SH3RF1: variants seen among roughly 807,000 people sequenced by gnomAD.
SH3RF1 encodes E3 ubiquitin-protein ligase SH3RF1.
Under a neutral mutation model 74.0 loss-of-function variants are expected in SH3RF1, and 32 were observed. The ratio of observed to expected loss-of-function variants is 0.43; its 90% CI spans 0.33 to 0.58. The LOEUF is 0.58. Among genes scored for constraint, SH3RF1 ranks in the 20% least tolerant of loss-of-function variants. The pLI, the probability that SH3RF1 is intolerant of heterozygous loss-of-function variation, is 0.05. For synonymous variants in SH3RF1, 396 were observed against 439.6 expected (o/e 0.90, Z 1.24); for missense variants, 954 against 1,130.9 (o/e 0.84, Z 2.24).
Position 169,116,557 on chromosome 4 carries a change from G to C in SH3RF1, c.1851C>G (p.Ser617Arg). ...GATGGGACAGGCCCACAGATGCAGG[G>C]CTGAGGCCGGCGGCATTCTGTACCT... Reference protein sequence around the residue: ...PIQVQNAAGLSPASVGLSHHS... With the variant: ...PIQVQNAAGLRPASVGLSHHS... The change falls in exon 10 of 12, where the codon AGC becomes AGG. Residue 617 changes from serine (S) to arginine (R), a missense_variant. Physicochemically the swap from Ser to Arg is moderately radical, Grantham distance 110 (BLOSUM62 -1). This residue lies in a region of SH3RF1 where 854 missense variants were observed against 962.5 expected (regional missense o/e 0.89). Coordinates refer to ENST00000284637, the MANE Select transcript of SH3RF1 (RefSeq NM_020870.4). 6.2e-7 allele frequency: 1 copy of C among 1,606,402 alleles called. No individual in the cohort carries two copies. Among genetic ancestry groups the C allele is most frequent in the Non-Finnish European group, 8.5e-7 (1 of 1,175,548 alleles).
intron 2 of SH3RF1, among the ~76,000 whole-genome samples, chr4:169,162,664 C>T (rs186798005): frequency 6.7e-4 from 102 of 152,292 alleles, no homozygotes; most frequent in Non-Finnish European, 1.2e-3. Context: ...TAAGACAAAA[C>T]GTTGTTTCTT....
chr4:169,138,336 GAAACA>G (rs1378634720), intron 4 of SH3RF1, among the ~76,000 whole-genome samples: 1 of 152,152 alleles, frequency 6.6e-6, no homozygotes, highest in Admixed American at 6.5e-5. Context: ...AAGGAGCCTG[GAAACA>G]AAGCAGATTG....
intron 2 of SH3RF1, among the ~76,000 whole-genome samples, chr4:169,217,791 T>C: frequency 6.6e-6 from 1 of 152,130 alleles, no homozygotes; most frequent in Non-Finnish European, 1.5e-5. Flanking sequence ...CGCTCAACAA[T>C]GTGAATGTAC....
At chr4:169,241,859 G>A (rs1730916683) in intron 2 of SH3RF1, among the ~76,000 whole-genome samples, 1 of 152,060 alleles carries the variant, frequency 6.6e-6, no homozygotes, top group Non-Finnish European at 1.5e-5. Flanking sequence ...CCTCTTCTCT[G>A]GCCCTTATGG....
At position 169,262,884 on chromosome 4, in the gene SH3RF1, G is replaced by A. The variant is rs150670831; in HGVS notation, c.393+5936C>T. On this transcript the variant is annotated intron_variant, in intron 2 of 11. Transcript: ENST00000284637. ...GAGTCTCACCATCAAGCCTAGCTCA[G>A]GAATGAAGTAAAGGTCAGGGATGGG... Among the ~76,000 whole-genome samples, 3 of 152,182 alleles carry A rather than the reference G, an allele frequency of 2.0e-5. No individual in the cohort carries two copies. In the East Asian group the frequency reaches 5.8e-4, roughly 29 times the overall value.
At chr4:169,236,683 T>C (rs553953951) in intron 2 of SH3RF1, among the ~76,000 whole-genome samples, 1 of 152,336 alleles carries the variant, frequency 6.6e-6, no homozygotes, top group South Asian at 2.1e-4. Flanking sequence ...AACCCACTAC[T>C]GTCCCCAGAA....
At chr4:169,176,654 C>T (rs2126976318) in intron 2 of SH3RF1, among the ~76,000 whole-genome samples, 1 of 152,212 alleles carries the variant, frequency 6.6e-6, no homozygotes, top group Non-Finnish European at 1.5e-5. Context: ...GATTCTCCTG[C>T]CTCAGCCTCC....
At chr4:169,220,080 T>A (rs1730541038) in intron 2 of SH3RF1, 1 of 149,104 alleles carries the variant, frequency 6.7e-6, no homozygotes, top group Non-Finnish European at 1.5e-5. Context: ...TTGTTTCCAA[T>A]CAGTCAAAGT....
Position 169,161,407 on chromosome 4 carries a change from T to A in SH3RF1, c.394-4728A>T, listed in dbSNP as rs1031622051. Among the ~76,000 whole-genome samples, 3 of 152,260 alleles carry A rather than the reference T, an allele frequency of 2.0e-5. No individual in the cohort carries two copies. The East Asian group carries it at 5.8e-4, about 29-fold the overall frequency. ...CTTTTAAGATATTAAAATCCTCATGTGATCTGCCTATAAATATTTTTGATT... is the reference window on the plus strand; with the variant it reads ...CTTTTAAGATATTAAAATCCTCATGAGATCTGCCTATAAATATTTTTGATT... On this transcript the variant is annotated intron_variant, in intron 2 of 11. Coordinates refer to ENST00000284637, the MANE Select transcript of SH3RF1 (RefSeq NM_020870.4).
chr4:169,176,956 C>T (rs952832752), intron 2 of SH3RF1, among the ~76,000 whole-genome samples: 11 of 152,048 alleles, frequency 7.2e-5, no homozygotes, highest in Admixed American at 5.9e-4. Flanking sequence ...GTTGTAAAGA[C>T]AGGGTTTCGC....
chr4:169,263,922 T>A (rs1731315524), intron 2 of SH3RF1, among the ~76,000 whole-genome samples: 1 of 152,148 alleles, frequency 6.6e-6, no homozygotes, highest in Admixed American at 6.5e-5. Context: ...TGCCAGGCAA[T>A]GTGGGTAGTT....
chr4:169,123,824 G>A (rs1291911945), intron 6 of SH3RF1, among the ~76,000 whole-genome samples: 4 of 151,964 alleles, frequency 2.6e-5, no homozygotes, highest in Admixed American at 6.6e-5. Flanking sequence ...CCCGGGAGGC[G>A]GAGCTTGCAG....
chr4:169,107,439 T>C (rs898323574), intron 10 of SH3RF1, among the ~76,000 whole-genome samples: 1 of 152,208 alleles, frequency 6.6e-6, no homozygotes, highest in Non-Finnish European at 1.5e-5. Flanking sequence ...GGTGCTAACC[T>C]GACCTTTTGC....
At chr4:169,175,271 T>A (rs1249672691) in intron 2 of SH3RF1, among the ~76,000 whole-genome samples, 1 of 152,162 alleles carries the variant, frequency 6.6e-6, no homozygotes, top group Non-Finnish European at 1.5e-5. Flanking sequence ...CTAGCACCTA[T>A]TATCCACAGT....
At chr4:169,245,571 C>A (rs1730981754) in intron 2 of SH3RF1, among the ~76,000 whole-genome samples, 1 of 152,152 alleles carries the variant, frequency 6.6e-6, no homozygotes, top group South Asian at 2.1e-4. Flanking sequence ...ACATCATCAA[C>A]TAACTGTCCT....
chr4:169,180,968 C>G (rs1477735924), intron 2 of SH3RF1, among the ~76,000 whole-genome samples: 1 of 152,192 alleles, frequency 6.6e-6, no homozygotes, highest in East Asian at 1.9e-4. Flanking sequence ...GCAACCCTTT[C>G]TTTTCTCTTT....
intron 1 of SH3RF1, among the ~76,000 whole-genome samples, chr4:169,270,374 G>A (rs1310516426): frequency 6.6e-6 from 1 of 152,120 alleles, no homozygotes; most frequent in Non-Finnish European, 1.5e-5. Flanking sequence ...CGGCCCGGCC[G>A]GTCCCGGCGT....
At chr4:169,110,906 A>T (rs1675060221) in intron 10 of SH3RF1, among the ~76,000 whole-genome samples, 1 of 152,156 alleles carries the variant, frequency 6.6e-6, no homozygotes, top group Non-Finnish European at 1.5e-5. Context: ...TAGAAAATGG[A>T]AGCACTTGGG....
chr4:169,225,089 T>C lies in SH3RF1; in HGVS notation c.393+43731A>G, dbSNP rs191207302. Among the ~76,000 whole-genome samples, 86 of 152,262 alleles carry C rather than the reference T, an allele frequency of 5.6e-4. No individual in the cohort carries two copies. In the East Asian group the frequency reaches 6.0e-3, roughly 11 times the overall value. On this transcript the variant is annotated intron_variant, in intron 2 of 11. Coordinates refer to ENST00000284637, the MANE Select transcript of SH3RF1 (RefSeq NM_020870.4). ...GGAGTAAAGAGAGCAAAGCTCTGCA[T>C]TGATGAATTCAAAAGGTATTACCAA...
Sources: allele counts gnomAD v4.1 joint callset (sites outside exome capture counted in the v4.1 genomes callset), GRCh38; gene constraint gnomAD v4.1.1; regional missense constraint gnomAD v4.1.1; transcripts MANE v1.5; gene names NCBI Gene and HGNC (gene_info 2026-07-23, HGNC 2026-07-21).